The following CRY1 variants were observed in gnomAD, a reference collection of about 807,000 sequenced individuals.
The protein encoded by CRY1 is cryptochrome-1.
CRY1 carries 45 observed loss-of-function variants against 76.0 expected under a neutral mutation model. The ratio of observed to expected loss-of-function variants is 0.59; its 90% CI spans 0.47 to 0.76. The LOEUF is 0.76. Among genes scored for constraint, CRY1 ranks in the 30% least tolerant of loss-of-function variants. CRY1 has a pLI of 0.00. For synonymous variants in CRY1, 248 were observed against 244.0 expected (o/e 1.02, Z -0.15); for missense variants, 587 against 716.4 (o/e 0.82, Z 2.06).
At chr12:107,021,940 TTAAA>T (rs1952563266) in intron 2 of CRY1, 140 bp downstream of exon 2, 2 of 595,946 alleles carry the variant, frequency 3.4e-6, no homozygotes, top group South Asian at 2.2e-5. Flanking sequence ...AGCTTTTTCA[TTAAA>T]TAAAGAAAAA....
chr12:107,018,530 T>C (rs900879191), intron 2 of CRY1, among the ~76,000 whole-genome samples: 5 of 152,078 alleles, frequency 3.3e-5, no homozygotes, highest in Non-Finnish European at 7.4e-5. Context: ...AATGTTGCAG[T>C]GAGCCAAGAC....
At chr12:107,077,433 G>C (rs1008568296) in intron 1 of CRY1, among the ~76,000 whole-genome samples, 1 of 152,170 alleles carries the variant, frequency 6.6e-6, no homozygotes, top group Non-Finnish European at 1.5e-5. Flanking sequence ...ATGACTAAAT[G>C]AAGGGAGAGA....
chr12:107,028,494 G>A (rs1197984530), intron 1 of CRY1, among the ~76,000 whole-genome samples: 1 of 152,010 alleles, frequency 6.6e-6, no homozygotes, highest in Admixed American at 6.6e-5. Flanking sequence ...CTAATATTTT[G>A]CAATGCCCTC....
intron 1 of CRY1, among the ~76,000 whole-genome samples, chr12:107,059,913 T>C (rs1030661732): frequency 4.6e-5 from 7 of 152,232 alleles, no homozygotes; most frequent in Non-Finnish European, 8.8e-5. Flanking sequence ...CACCAATTTA[T>C]TGTTATCTAT....
intron 1 of CRY1, among the ~76,000 whole-genome samples, chr12:107,077,170 C>T (rs141935315): frequency 2.0e-5 from 3 of 152,176 alleles, no homozygotes; most frequent in Non-Finnish European, 4.4e-5. Context: ...CAAACACACA[C>T]ACACACACCT....
intron 1 of CRY1, among the ~76,000 whole-genome samples, chr12:107,062,025 CAAAAAAAA>C (rs35683352): frequency 6.4e-5 from 6 of 93,560 alleles, no homozygotes; most frequent in African/African-American, 1.4e-4. Flanking sequence ...GACCCTGTCT[CAAAAAAAA>C]AAAAAAAAAA....
At chr12:107,067,267 T>G (rs1360328660) in intron 1 of CRY1, among the ~76,000 whole-genome samples, 1 of 152,172 alleles carries the variant, frequency 6.6e-6, no homozygotes. Context: ...CTGAAAATAT[T>G]AACTGTCTAA....
intron 1 of CRY1, among the ~76,000 whole-genome samples, chr12:107,091,000 A>C (rs1953464680): frequency 6.6e-6 from 1 of 152,008 alleles, no homozygotes; most frequent in South Asian, 2.1e-4. Context: ...CTATATAAAA[A>C]GCACTGAATT....
chr12:107,092,780 A>G, intron 1 of CRY1, 24 bp downstream of exon 1: 1 of 1,610,458 alleles, frequency 6.2e-7, no homozygotes, highest in Non-Finnish European at 8.5e-7. Context: ...ACCCAAATCC[A>G]TTTCCCACGG....
In CRY1 at chr12:106,992,831, T is replaced by C. The variant is rs764675890; in HGVS notation, c.1717A>G (p.Thr573Ala). The C allele has an allele frequency of 1.2e-6, 2 of 1,614,098 alleles. No individual in the cohort carries two copies. Among genetic ancestry groups the C allele is most frequent in the East Asian group, 2.2e-5 (1 of 44,874 alleles). Residue 573 changes from threonine to alanine, a missense_variant, in exon 12 of 13, where the codon ACA becomes GCA. Physicochemically the swap from Thr to Ala is moderately conservative, Grantham distance 58. Transcript: ENST00000008527. ...TGGACTTTAGGACCAATACTCTGTG[T>C]GTCCTCTTCCTGACTAGGACGTTTC... ...GGKRPSQEEDTQSIGPKVQRQ... is the reference protein window; with the variant it reads ...GGKRPSQEEDAQSIGPKVQRQ...
chr12:107,001,764 C>T lies in CRY1; in HGVS notation c.595G>A (p.Gly199Ser). The change falls in exon 4 of 13, where the codon GGT (glycine) becomes AGT (serine). Residue 199 changes from glycine to serine, a missense_variant and splice_region_variant. Gly to Ser is a moderately conservative substitution (Grantham distance 56, BLOSUM62 0). Transcript: ENST00000008527. Reference sequence around the variant, plus strand: ...CACACTGACTACAGTTTACACTCACCTAGCTCTTCCAGTGAAGGGACTCCA... The same window carrying T: ...CACACTGACTACAGTTTACACTCACTTAGCTCTTCCAGTGAAGGGACTCCA... Reference protein sequence around the residue: ...KYGVPSLEELGFDTDGLSSAV... With the variant: ...KYGVPSLEELSFDTDGLSSAV... 1 of 1,548,196 alleles carries T rather than the reference C, an allele frequency of 6.5e-7. No homozygotes were observed. The highest frequency in any genetic ancestry group is 8.6e-7 in the Non-Finnish European group (1 of 1,159,972).
At chr12:107,090,993 T>C (rs1000125244) in intron 1 of CRY1, among the ~76,000 whole-genome samples, 1 of 151,954 alleles carries the variant, frequency 6.6e-6, no homozygotes, top group African/African-American at 2.4e-5. Context: ...ACTGCTACTA[T>C]ATAAAAAGCA....
At chr12:107,078,122 T>C (rs888292253) in intron 1 of CRY1, among the ~76,000 whole-genome samples, 4 of 152,214 alleles carry the variant, frequency 2.6e-5, no homozygotes, top group Non-Finnish European at 5.9e-5. Flanking sequence ...GGCACAAACA[T>C]AATTTGCATT....
intron 1 of CRY1, among the ~76,000 whole-genome samples, chr12:107,029,513 T>C (rs867673671): frequency 2.0e-5 from 3 of 151,376 alleles, no homozygotes; most frequent in Middle Eastern, 3.2e-3. Context: ...GGAGGATCAA[T>C]TGAGCCTGGG....
At position 107,001,964 on chromosome 12, in the gene CRY1, G is replaced by C; in HGVS notation, c.411-16C>G. Reference sequence around the variant, plus strand: ...TTCTATGATCCTATAACAAGAGTTAGTAAAATGTAGTTAGTATTAAAAAAG... The same window carrying C: ...TTCTATGATCCTATAACAAGAGTTACTAAAATGTAGTTAGTATTAAAAAAG... On this transcript the variant is annotated splice_polypyrimidine_tract_variant and intron_variant, in intron 3 of 12. Coordinates refer to ENST00000008527, the MANE Select transcript of CRY1 (RefSeq NM_004075.5). 6.4e-7 allele frequency: 1 copy of C among 1,552,036 alleles called. No homozygotes were observed. Among genetic ancestry groups the C allele is most frequent in the Non-Finnish European group, 8.6e-7 (1 of 1,158,864 alleles).
At chr12:107,071,365 C>G (rs975437015) in intron 1 of CRY1, among the ~76,000 whole-genome samples, 3 of 152,164 alleles carry the variant, frequency 2.0e-5, no homozygotes, top group African/African-American at 7.2e-5. Context: ...ATACTCTGAT[C>G]TACTAATATA....
At chr12:107,033,760 A>G (rs1480976363) in intron 1 of CRY1, among the ~76,000 whole-genome samples, 1 of 151,654 alleles carries the variant, frequency 6.6e-6, no homozygotes. Context: ...AAAAATACTT[A>G]GGGAAAACAG....
At chr12:107,067,220 G>A (rs961794725) in intron 1 of CRY1, among the ~76,000 whole-genome samples, 3 of 152,048 alleles carry the variant, frequency 2.0e-5, no homozygotes, top group Non-Finnish European at 4.4e-5. Context: ...AAAAAAAGAA[G>A]AATATGAGAA....
rs145669109 is a variant in CRY1 at position 107,047,583 on chromosome 12, A to G, written c.159-25391T>C. Among the ~76,000 whole-genome samples the G allele has an allele frequency of 4.2e-3, 644 of 152,262 alleles. 4 individuals are homozygous for G. Among genetic ancestry groups the G allele is most frequent in the Middle Eastern group, 6.8e-3 (2 of 294 alleles). ...TGTTCTCACAAGATCTGATGATTTT[A>G]TAAGAAGCTTCCCCCTTTGCTTGGC... On this transcript the variant is annotated intron_variant, in intron 1 of 12. Coordinates refer to ENST00000008527, the MANE Select transcript of CRY1 (RefSeq NM_004075.5).
Sources: gnomAD v4.1 joint callset for allele counts (sites outside exome capture counted in the v4.1 genomes callset) on GRCh38, gnomAD v4.1.1 for gene constraint, MANE v1.5 for transcripts, NCBI Gene and HGNC (gene_info 2026-07-23, HGNC 2026-07-21) for gene names.